The following FSHR variants were observed in gnomAD, a reference collection of about 807,000 sequenced individuals.
FSHR encodes the protein follicle stimulating hormone receptor, also known as follicle-stimulating hormone receptor.
Under a neutral mutation model 52.1 loss-of-function variants are expected in FSHR, and 46 were observed. That is an observed-to-expected ratio of 0.88 (90% CI 0.70 to 1.13). FSHR has a LOEUF of 1.13. FSHR is among the 50% of genes most tolerant of loss of function. FSHR has a pLI of 0.00. For missense variants in FSHR, 964 were observed against 834.6 expected, an observed-to-expected ratio of 1.16 and a Z score of -1.91; for synonymous variants, 399 against 309.6, an observed-to-expected ratio of 1.29 and a Z score of -3.03.
At chr2:49,011,628 C>G (rs1369759674) in intron 4 of FSHR, among the ~76,000 whole-genome samples, 1 of 151,990 alleles carries the variant, frequency 6.6e-6, no homozygotes. Flanking sequence ...TTTGTTTTAA[C>G]TCGATGAACA....
chr2:49,150,710 G>A (rs182321627), intron 1 of FSHR, among the ~76,000 whole-genome samples: 4 of 152,162 alleles, frequency 2.6e-5, no homozygotes, highest in Admixed American at 2.0e-4. Context: ...GGCTGCCCGT[G>A]AGTGAACCTG....
At chr2:49,093,374 T>G (rs927202023) in intron 1 of FSHR, among the ~76,000 whole-genome samples, 3 of 152,168 alleles carry the variant, frequency 2.0e-5, no homozygotes, top group Non-Finnish European at 2.9e-5. Context: ...ATCGAAGAAA[T>G]GTTGTTAGGT....
At chr2:49,145,879 G>A (rs1027842700) in intron 1 of FSHR, among the ~76,000 whole-genome samples, 1 of 152,068 alleles carries the variant, frequency 6.6e-6, no homozygotes, top group Non-Finnish European at 1.5e-5. Context: ...TAATATTGGA[G>A]TAGGAGAATA....
chr2:49,056,156 T>A (rs1357329274), intron 2 of FSHR, among the ~76,000 whole-genome samples: 1 of 152,004 alleles, frequency 6.6e-6, no homozygotes, highest in South Asian at 2.1e-4. Context: ...ATCTTGAATG[T>A]AAATAGATTA....
intron 1 of FSHR, among the ~76,000 whole-genome samples, chr2:49,146,033 A>C (rs1672856760): frequency 6.6e-6 from 1 of 152,030 alleles, no homozygotes; most frequent in Admixed American, 6.6e-5. Flanking sequence ...TTTGAGGCCA[A>C]AATACAGAGG....
Position 49,021,886 on chromosome 2 carries a change from T to TATATATATATATATATATATATAAAG in FSHR, c.225-1727_225-1726insCTTTATATATATATATATATATATAT, listed in dbSNP as rs1273265515. Among the ~76,000 whole-genome samples the TATATATATATATATATATATATAAAG allele has an allele frequency of 2.8e-4, 7 of 25,122 alleles. 1 individual carries two copies. The highest frequency in any genetic ancestry group is 1.0e-3 in the African/African-American group (7 of 6,832). 16.5% of individuals were successfully genotyped at this position (25,122 alleles called of 152,430 possible). On this transcript the variant is annotated intron_variant, in intron 2 of 9. Transcript: ENST00000406846. ...CTCTATATATATATATATATATATA[T>TATATATATATATATATATATATAAAG]AGAGAGAGAGAGAGAGAGAGAGAGA...
At chr2:49,137,850 G>A (rs770278551) in intron 1 of FSHR, among the ~76,000 whole-genome samples, 3 of 152,038 alleles carry the variant, frequency 2.0e-5, no homozygotes, top group Admixed American at 6.5e-5. Context: ...AAAACTCTCA[G>A]AAGAATGCAT....
At chr2:49,116,962 C>A (rs973496542) in intron 1 of FSHR, among the ~76,000 whole-genome samples, 1 of 152,190 alleles carries the variant, frequency 6.6e-6, no homozygotes, top group Non-Finnish European at 1.5e-5. Flanking sequence ...TTCAATCCAG[C>A]TAGCTCTAAG....
intron 4 of FSHR, among the ~76,000 whole-genome samples, chr2:49,007,421 CAACCAGCT>C (rs2104168437): frequency 6.6e-6 from 1 of 152,198 alleles, no homozygotes; most frequent in Admixed American, 6.5e-5. Context: ...AAGCATTATT[CAACCAGCT>C]GTTTGTGTAA....
intron 1 of FSHR, among the ~76,000 whole-genome samples, chr2:49,126,360 A>C (rs1671997092): frequency 6.6e-6 from 1 of 151,992 alleles, no homozygotes; most frequent in South Asian, 2.1e-4. Context: ...AAGGGATTGA[A>C]CTCACTTTGA....
rs1370441851 is a variant in FSHR at position 48,962,611 on chromosome 2, G to A, written c.*122C>T. On this transcript the variant is annotated 3_prime_UTR_variant, in exon 10 of 10. Transcript: ENST00000406846. ...TAGTTCCTGACCAATTTACCTTAAA[G>A]GTATGCCAGGAATATTAAATTAGAT... is the stretch of plus-strand genomic sequence containing the variant. The A allele has an allele frequency of 8.0e-6, 8 of 998,620 alleles. No individual in the cohort carries two copies. The highest frequency in any genetic ancestry group is 2.5e-5 in the East Asian group (1 of 39,664). 61.9% of individuals were successfully genotyped at this position (998,620 alleles called of 1,614,324 possible).
intron 1 of FSHR, among the ~76,000 whole-genome samples, chr2:49,082,200 G>A (rs1670196159): frequency 6.6e-6 from 1 of 152,132 alleles, no homozygotes; most frequent in Non-Finnish European, 1.5e-5. Flanking sequence ...TGACCCCTGA[G>A]CAGCCTAACT....
At chr2:49,093,766 T>A (rs906607217) in intron 1 of FSHR, among the ~76,000 whole-genome samples, 2 of 151,912 alleles carry the variant, frequency 1.3e-5, no homozygotes, top group East Asian at 1.9e-4. Context: ...GGCTAATTTT[T>A]AAATATTTTT....
chr2:49,124,822 G>C (rs1050383138), intron 1 of FSHR, among the ~76,000 whole-genome samples: 14 of 152,262 alleles, frequency 9.2e-5, no homozygotes, highest in African/African-American at 3.4e-4. Context: ...GCTTTAATCA[G>C]ATCACATCCT....
intron 1 of FSHR, among the ~76,000 whole-genome samples, chr2:49,138,262 C>T (rs1572797179): frequency 1.3e-5 from 2 of 152,150 alleles, no homozygotes; most frequent in Admixed American, 6.5e-5. Flanking sequence ...ATACACTGTT[C>T]GTGGGAATGT....
intron 2 of FSHR, among the ~76,000 whole-genome samples, chr2:49,021,834 TCTCTCTC>T (rs1558395135): frequency 0.011 from 257 of 24,120 alleles, 1 homozygote; most frequent in African/African-American, 0.029. Flanking sequence ...TATGTGTTTC[TCTCTCTC>T]TCTCTCTCTC....
intron 1 of FSHR, among the ~76,000 whole-genome samples, chr2:49,123,417 G>A (rs956183861): frequency 5.9e-5 from 9 of 152,070 alleles, no homozygotes; most frequent in Non-Finnish European, 1.3e-4. Flanking sequence ...AGCCCAGGAG[G>A]TTCAGGTTGC....
intron 1 of FSHR, among the ~76,000 whole-genome samples, chr2:49,087,412 A>G (rs989481733): frequency 6.6e-6 from 1 of 152,142 alleles, no homozygotes; most frequent in African/African-American, 2.4e-5. Flanking sequence ...AGAGCCAGAG[A>G]GCATTCACTT....
chr2:49,072,591 T>C (rs116163464), intron 1 of FSHR, among the ~76,000 whole-genome samples: 1,788 of 152,258 alleles, frequency 0.012, 28 homozygotes, highest in African/African-American at 0.041. Context: ...GAAACATTGG[T>C]AAAATGAAAG....
Sources: allele counts gnomAD v4.1 joint callset (sites outside exome capture counted in the v4.1 genomes callset), GRCh38; gene constraint gnomAD v4.1.1; transcripts MANE v1.5; gene names NCBI Gene and HGNC (gene_info 2026-07-23, HGNC 2026-07-21).